The following ZNF777 variants were observed in gnomAD, a reference collection of about 807,000 sequenced individuals.
The protein encoded by ZNF777 is zinc finger protein 777.
A neutral mutation model predicts 72.1 loss-of-function variants in ZNF777; 7 were observed. The observed-to-expected ratio is 0.10, with a 90% CI of 0.06 to 0.18. ZNF777 has a LOEUF of 0.18. Ranked by LOEUF, ZNF777 falls within the 10% of genes least tolerant of loss-of-function variation. The probability of loss-of-function intolerance (pLI) is 1.00; values close to 1 mark genes in which losing one functional copy is unlikely to be tolerated. For synonymous variants in ZNF777, 545 were observed against 483.5 expected, an observed-to-expected ratio of 1.13 and a Z score of -1.67; for missense variants, 828 against 1,128.6, an observed-to-expected ratio of 0.73 and a Z score of 3.82.
intron 5 of ZNF777, 37 bp from the exon 6 acceptor site, chr7:149,432,969 T>C (rs753537464): frequency 1.4e-6 from 2 of 1,450,616 alleles, no homozygotes; most frequent in East Asian, 5.0e-5. Flanking sequence ...CGTTAGCTGC[T>C]GCCTGGCGCC....
chr7:149,444,766 T>TTCTTCGCATGACTCTGTTTC (rs1452310840), intron 4 of ZNF777, among the ~76,000 whole-genome samples: 3 of 152,246 alleles, frequency 2.0e-5, no homozygotes, highest in Non-Finnish European at 2.9e-5. Flanking sequence ...TAATTCTCAT[T>TTCTTCGCATGACTCTGTTTC]TCTTCGCATG....
intron 4 of ZNF777, among the ~76,000 whole-genome samples, chr7:149,440,259 A>G (rs1799486450): frequency 6.6e-6 from 1 of 152,234 alleles, no homozygotes. Context: ...GCTGCAGGAC[A>G]TGTATCTTAA....
intron 4 of ZNF777, among the ~76,000 whole-genome samples, chr7:149,441,904 G>GTGT (rs1799523324): frequency 6.6e-6 from 1 of 151,912 alleles, no homozygotes; most frequent in Admixed American, 6.6e-5. Flanking sequence ...TGTGATCATA[G>GTGT]TGTTTACTAA....
At chr7:149,444,065 A>C (rs1242510107) in intron 4 of ZNF777, among the ~76,000 whole-genome samples, 1 of 152,112 alleles carries the variant, frequency 6.6e-6, no homozygotes, top group Non-Finnish European at 1.5e-5. Context: ...TCATCCATTG[A>C]CTTCCAAGGG....
intron 4 of ZNF777, 105 bp downstream of exon 4, chr7:149,450,894 C>T (rs1799700110): frequency 5.0e-6 from 5 of 1,009,916 alleles, no homozygotes; most frequent in Non-Finnish European, 7.2e-6. Flanking sequence ...TTCCTGCTAA[C>T]ATATCCTGGC....
At chr7:149,440,249 G>A (rs1387574938) in intron 4 of ZNF777, among the ~76,000 whole-genome samples, 1 of 152,172 alleles carries the variant, frequency 6.6e-6, no homozygotes. Context: ...AGAGTGACAC[G>A]CTGCAGGACA....
chr7:149,457,694 T>A (rs1336482244), intron 1 of ZNF777, among the ~76,000 whole-genome samples: 1 of 152,232 alleles, frequency 6.6e-6, no homozygotes, highest in Non-Finnish European at 1.5e-5. Flanking sequence ...GATAGTATCG[T>A]CTAATAGCCT....
rs754868624 is a variant in ZNF777, at chr7:149,455,405, T to G, written c.618A>C (p.Leu206=). Residue 206 remains leucine (L), a synonymous_variant, in exon 2 of 6, where the codon CTA becomes CTC. Coordinates refer to ENST00000247930, the MANE Select transcript of ZNF777 (RefSeq NM_015694.3). The surrounding 1 kb of genome is among the most constrained non-coding windows in gnomAD (Gnocchi z 4.2). ...ERKLEAQAMR[L]LTLEGRTGTN... is the part of the protein sequence containing the mutation. ...TCCCCGTCCTGCCTTCCAGGGTCAGTAGCCTCATGGCCTGGGCCTCCAGCT... is the reference window on the plus strand; with the variant it reads ...TCCCCGTCCTGCCTTCCAGGGTCAGGAGCCTCATGGCCTGGGCCTCCAGCT... 1 of 1,614,228 alleles carries G rather than the reference T, an allele frequency of 6.2e-7. No homozygotes were observed.
Position 149,431,806 on chromosome 7 carries a change from C to T in ZNF777, c.2466G>A (p.Lys822=), listed in dbSNP as rs1799312783. ...AKCFRYKQSL[K]YHLRTHTGE ...CGCCCGTGTGGGTCCGCAGGTGGTA[C>T]TTGAGCGACTGCTTGTAGCGGAAGC... is the stretch of plus-strand genomic sequence containing the variant. Residue 822 remains lysine (K), a synonymous_variant, in exon 6 of 6, where the codon AAG becomes AAA. Transcript: ENST00000247930. The T allele has an allele frequency of 1.2e-6, 2 of 1,600,442 alleles. No homozygotes were observed. Among genetic ancestry groups the T allele is most frequent in the Non-Finnish European group, 1.7e-6 (2 of 1,178,670 alleles).
chr7:149,442,446 C>T (rs66584599), intron 4 of ZNF777, among the ~76,000 whole-genome samples: 56,349 of 150,734 alleles, frequency 0.37, 10,535 homozygotes, highest in South Asian at 0.42. Context: ...GGTGAAACTC[C>T]GTCTCTACTA....
Position 149,436,775 on chromosome 7 carries a change from G to A in ZNF777, c.1139C>T (p.Ser380Leu). The change falls in exon 5 of 6, where the codon TCA becomes TTA. Residue 380 changes from serine (S) to leucine (L), a missense_variant. By Grantham distance (145) the Ser-to-Leu change is moderately radical (BLOSUM62 -2). Coordinates refer to ENST00000247930, the MANE Select transcript of ZNF777 (RefSeq NM_015694.3). The surrounding 1 kb of genome is among the most constrained non-coding windows in gnomAD (Gnocchi z 5.0). ...KIEVQTNDEGSESLETPEPLM... is the reference protein window; with the variant it reads ...KIEVQTNDEGLESLETPEPLM... Reference sequence around the variant, plus strand: ...GGGCTCAGGTGTCTCCAAACTTTCTGAGCCCTCGTCGTTGGTCTGTACCTC... The same window carrying A: ...GGGCTCAGGTGTCTCCAAACTTTCTAAGCCCTCGTCGTTGGTCTGTACCTC... 2 of 1,614,048 alleles carry A rather than the reference G, an allele frequency of 1.2e-6. No individual in the cohort carries two copies. The highest frequency in any genetic ancestry group is 1.7e-6 in the Non-Finnish European group (2 of 1,180,006).
chr7:149,448,248 T>G (rs1799639541), intron 4 of ZNF777, among the ~76,000 whole-genome samples: 1 of 151,732 alleles, frequency 6.6e-6, no homozygotes, highest in Admixed American at 6.6e-5. Context: ...GGTGGATCAC[T>G]TAAGATTAGG....
In ZNF777 at chr7:149,448,500, T is replaced by C. The variant is rs6963355; in HGVS notation, c.1087+2499A>G. Among the ~76,000 whole-genome samples the C allele has an allele frequency of 2.0e-4, 27 of 135,138 alleles. 2 individuals are homozygous for C. Among genetic ancestry groups the C allele is most frequent in the African/African-American group, 7.6e-4 (25 of 32,786 alleles). 88.7% of individuals were successfully genotyped at this position (135,138 alleles called of 152,430 possible). On this transcript the variant is annotated intron_variant, in intron 4 of 5. Coordinates refer to ENST00000247930, the MANE Select transcript of ZNF777 (RefSeq NM_015694.3). Reference sequence around the variant, plus strand: ...CAAAACAAAACTATATATATATATATATATATATATAACTATATATAGTTA... The same window carrying C: ...CAAAACAAAACTATATATATATATACATATATATATAACTATATATAGTTA...
intron 4 of ZNF777, among the ~76,000 whole-genome samples, chr7:149,444,948 G>T (rs1799579137): frequency 6.6e-6 from 1 of 152,008 alleles, no homozygotes; most frequent in Non-Finnish European, 1.5e-5. Context: ...TTATTTTGTT[G>T]ATAATTCCCA....
In ZNF777 at chr7:149,455,975, T is replaced by C. The variant is rs747777906; in HGVS notation, c.48A>G (p.Gln16=). The C allele has an allele frequency of 1.2e-6, 2 of 1,610,196 alleles. No homozygotes were observed. Among genetic ancestry groups the C allele is most frequent in the Admixed American group, 1.7e-5 (1 of 59,450 alleles). ...CAGGGGCCTGACGTAAGGTTTCTTC[T>C]TGTGGAACACTGGGGAACGACAGAG... ...SSPLSFPSVP[Q]EETLRQAPAG... The change falls in exon 2 of 6, where the codon CAA becomes CAG. Residue 16 remains glutamine (Q), a synonymous_variant. Coordinates refer to ENST00000247930, the MANE Select transcript of ZNF777 (RefSeq NM_015694.3). This position sits in a 1 kb window ranked among gnomAD's most constrained non-coding sequence, Gnocchi z 4.2.
At position 149,436,463 on chromosome 7, in the gene ZNF777, C is replaced by T; in HGVS notation, c.1339+112G>A. 1 of 1,286,546 alleles carries T rather than the reference C, an allele frequency of 7.8e-7. No individual in the cohort carries two copies. Among genetic ancestry groups the T allele is most frequent in the Non-Finnish European group, 1.1e-6 (1 of 939,992 alleles). 79.7% of individuals were successfully genotyped at this position (1,286,546 alleles called of 1,614,324 possible). Reference sequence around the variant, plus strand: ...TTGGTAATTCTTTCCCACCTGTTGCCCCATCAGTGTCCAGCTACCTCTCTG... The same window carrying T: ...TTGGTAATTCTTTCCCACCTGTTGCTCCATCAGTGTCCAGCTACCTCTCTG... On this transcript the variant is annotated intron_variant, in intron 5 of 5. Coordinates refer to ENST00000247930, the MANE Select transcript of ZNF777 (RefSeq NM_015694.3). The surrounding 1 kb of genome is among the most constrained non-coding windows in gnomAD (Gnocchi z 5.0).
chr7:149,450,876 G>A (rs775262054), intron 4 of ZNF777, 123 bp downstream of exon 4: 85 of 781,174 alleles, frequency 1.1e-4, no homozygotes, highest in East Asian at 1.4e-4. Context: ...TGGCACCTGC[G>A]GGCCTCCTTC....
At chr7:149,451,319 C>T (rs562439002) in intron 3 of ZNF777, among the ~76,000 whole-genome samples, 3 of 151,960 alleles carry the variant, frequency 2.0e-5, no homozygotes, top group South Asian at 2.1e-4. Context: ...GTAGAGGGAT[C>T]GTGTTGCTCA....
chr7:149,456,044 T>A lies in ZNF777; in HGVS notation c.-15-7A>T. On this transcript the variant is annotated splice_region_variant and splice_polypyrimidine_tract_variant and intron_variant, in intron 1 of 5. Coordinates refer to ENST00000247930, the MANE Select transcript of ZNF777 (RefSeq NM_015694.3). ...CCATGTCCAGCTGCTGAACCTGTGT[T>A]CATGGAAGAAAGGAAAAGAGGATTA... 1 of 1,534,776 alleles carries A rather than the reference T, an allele frequency of 6.5e-7. No homozygotes were observed. The highest frequency in any genetic ancestry group is 1.3e-5 in the South Asian group (1 of 79,098).
Sources: gnomAD v4.1 joint callset for allele counts (sites outside exome capture counted in the v4.1 genomes callset) on GRCh38, gnomAD v4.1.1 for gene constraint, Gnocchi (gnomAD v3.1) non-coding constraint, MANE v1.5 for transcripts, NCBI Gene and HGNC (gene_info 2026-07-23, HGNC 2026-07-21) for gene names.